Variants in ZNF624 observed in about 807,000 individuals in gnomAD.
ZNF624 encodes the protein zinc finger protein 624.
A neutral mutation model predicts 74.7 loss-of-function variants in ZNF624; 43 were observed. The ratio of observed to expected loss-of-function variants is 0.58; its 90% CI spans 0.45 to 0.74. The LOEUF (loss-of-function observed/expected upper bound fraction) is 0.74, where lower values mean the gene tolerates loss of function less well. Among genes scored for constraint, ZNF624 ranks in the 30% least tolerant of loss-of-function variants. The pLI, the probability that ZNF624 is intolerant of heterozygous loss-of-function variation, is 0.00. For missense variants in ZNF624, 820 were observed against 1,030.0 expected (o/e 0.80, Z 2.79); for synonymous variants, 331 against 341.3 (o/e 0.97, Z 0.33).
chr17:16,623,783 G>T lies in ZNF624; in HGVS notation c.1103C>A (p.Ser368Tyr), dbSNP rs1908990932. The T allele has an allele frequency of 7.4e-6, 12 of 1,614,012 alleles. No homozygotes were observed. Among genetic ancestry groups the T allele is most frequent in the Non-Finnish European group, 8.5e-6 (10 of 1,179,990 alleles). Residue 368 changes from serine to tyrosine, a missense_variant, in exon 6 of 6, where the codon TCT (serine) becomes TAT (tyrosine). Transcript: ENST00000311331. This position sits in a 1 kb window ranked among gnomAD's most constrained non-coding sequence, Gnocchi z 5.3. The part of the protein sequence containing the change: ...KPYQCNVCGK[S>Y]FSQCARLNQH... ...ATTAAGACGGGCACACTGGCTAAAAGATTTCCCACACACATTACACTGATA... is the reference window on the plus strand; with the variant it reads ...ATTAAGACGGGCACACTGGCTAAAATATTTCCCACACACATTACACTGATA...
Position 16,622,759 on chromosome 17 carries a change from T to C in ZNF624, c.2127A>G (p.Ser709=). ...NECGKVFTSN[S]GFNTHQRTHT... ...GTGTTCTTTGATGTGTATTAAAGCCTGAGTTACTTGTGAAAACCTTTCCAC... is the reference window on the plus strand; with the variant it reads ...GTGTTCTTTGATGTGTATTAAAGCCCGAGTTACTTGTGAAAACCTTTCCAC... Residue 709 remains serine, a synonymous_variant, in exon 6 of 6, where the codon TCA becomes TCG. Coordinates refer to ENST00000311331, the MANE Select transcript of ZNF624 (RefSeq NM_020787.4). The C allele has an allele frequency of 6.2e-7, 1 of 1,613,762 alleles. No homozygotes were observed. Among genetic ancestry groups the C allele is most frequent in the Non-Finnish European group, 8.5e-7 (1 of 1,179,978 alleles).
intron 1 of ZNF624, among the ~76,000 whole-genome samples, chr17:16,653,035 TAAG>T (rs1909764847): frequency 6.6e-6 from 1 of 152,256 alleles, no homozygotes; most frequent in African/African-American, 2.4e-5. Context: ...TCCAGAGACT[TAAG>T]GAGAAACTTT....
chr17:16,639,872 G>T (rs1909425995), intron 3 of ZNF624, among the ~76,000 whole-genome samples: 1 of 152,098 alleles, frequency 6.6e-6, no homozygotes, highest in South Asian at 2.1e-4. Flanking sequence ...AAAATAACTA[G>T]CTGGTTTTCA....
At position 16,624,508 on chromosome 17, in the gene ZNF624, G is replaced by C. The variant is rs1411968119; in HGVS notation, c.378C>G (p.Asp126Glu). The part of the protein sequence containing the change: ...VREISRIPYP[D>E]MEPKPATKKA... ...TCTTGGTTGCAGGTTTGGGCTCCAT[G>C]TCTGGGGCAAAAAAGAGAAAAATCA... The change falls in exon 6 of 6, where the codon GAC becomes GAG. Residue 126 changes from aspartate (D) to glutamate (E), a missense_variant and splice_region_variant. Transcript: ENST00000311331. 1 of 1,551,460 alleles carries C rather than the reference G, an allele frequency of 6.4e-7. No homozygotes were observed. The highest frequency in any genetic ancestry group is 8.6e-7 in the Non-Finnish European group (1 of 1,156,464).
At chr17:16,631,167 G>A (rs1909198454) in intron 5 of ZNF624, among the ~76,000 whole-genome samples, 1 of 151,816 alleles carries the variant, frequency 6.6e-6, no homozygotes, top group Non-Finnish European at 1.5e-5. Flanking sequence ...AATAACCCAA[G>A]GATAAAAGAT....
chr17:16,641,184 A>G (rs1303457431), intron 3 of ZNF624, among the ~76,000 whole-genome samples: 1 of 152,188 alleles, frequency 6.6e-6, no homozygotes, highest in African/African-American at 2.4e-5. Flanking sequence ...GAAAACCTAC[A>G]TCTAGCCTCA....
intron 3 of ZNF624, among the ~76,000 whole-genome samples, chr17:16,638,703 G>A (rs187466928): frequency 6.5e-4 from 96 of 147,478 alleles, no homozygotes; most frequent in African/African-American, 1.7e-3. Context: ...CACACTCCGG[G>A]GGACTGTTGT....
intron 5 of ZNF624, among the ~76,000 whole-genome samples, chr17:16,628,847 A>G (rs7224883): frequency 0.026 from 3,959 of 152,242 alleles, 158 homozygotes; most frequent in African/African-American, 0.09. Flanking sequence ...GAAGAAAACT[A>G]TATTAAAGTA....
intron 1 of ZNF624, among the ~76,000 whole-genome samples, chr17:16,651,188 A>C (rs987276170): frequency 1.3e-5 from 2 of 152,122 alleles, no homozygotes; most frequent in Non-Finnish European, 2.9e-5. Context: ...GCACTTTGGG[A>C]GGCCGAGGCG....
chr17:16,645,849 G>A (rs1313952372), intron 3 of ZNF624, among the ~76,000 whole-genome samples: 1 of 150,080 alleles, frequency 6.7e-6, no homozygotes, highest in Non-Finnish European at 1.5e-5. Context: ...CTACTCGGGA[G>A]GCTGAGGCAG....
downstream of ZNF624, among the ~76,000 whole-genome samples, chr17:16,615,943 T>A (rs905341703): frequency 2.2e-4 from 28 of 130,128 alleles, no homozygotes; most frequent in Middle Eastern, 4.0e-3. Context: ...CTTTAAAAAA[T>A]CTATTCCATA....
intron 3 of ZNF624, among the ~76,000 whole-genome samples, chr17:16,642,823 A>C (rs779851426): frequency 4.6e-5 from 7 of 152,244 alleles, no homozygotes; most frequent in Non-Finnish European, 1.0e-4. Flanking sequence ...GTCAAACATA[A>C]AAGGACAAAT....
At chr17:16,651,323 G>A (rs1196176470) in intron 1 of ZNF624, among the ~76,000 whole-genome samples, 4 of 151,820 alleles carry the variant, frequency 2.6e-5, no homozygotes, top group Non-Finnish European at 5.9e-5. Context: ...CCAGCTACTC[G>A]GGAGGCTGAG....
At chr17:16,615,158 T>G in the ZNF624 span, among the ~76,000 whole-genome samples, 1 of 152,110 alleles carries the variant, frequency 6.6e-6, no homozygotes, top group African/African-American at 2.4e-5. Flanking sequence ...AGTGCAGTGG[T>G]GCGATCTGGG....
At chr17:16,649,997 A>T (rs1909683285) in intron 1 of ZNF624, among the ~76,000 whole-genome samples, 1 of 152,180 alleles carries the variant, frequency 6.6e-6, no homozygotes, top group African/African-American at 2.4e-5. Flanking sequence ...TTATTTTCAC[A>T]TCAACCTAGT....
intron 3 of ZNF624, among the ~76,000 whole-genome samples, chr17:16,635,281 A>T (rs548112313): frequency 6.6e-6 from 1 of 152,188 alleles, no homozygotes; most frequent in African/African-American, 2.4e-5. Flanking sequence ...AAAAAAATCG[A>T]GGAACTTTGG....
At chr17:16,630,306 C>T (rs573837607) in intron 5 of ZNF624, among the ~76,000 whole-genome samples, 1 of 150,790 alleles carries the variant, frequency 6.6e-6, no homozygotes, top group Admixed American at 6.6e-5. Context: ...CTTGTAATCC[C>T]AGCGCTTTGG....
intron 5 of ZNF624, 87 bp from the exon 6 acceptor site, chr17:16,624,596 TGGA>T: frequency 8.6e-7 from 1 of 1,163,112 alleles, no homozygotes; most frequent in Non-Finnish European, 1.2e-6. Flanking sequence ...AATAAATACA[TGGA>T]TAATGAATAT....
intron 3 of ZNF624, among the ~76,000 whole-genome samples, chr17:16,641,868 CTA>C (rs1193900046): frequency 6.6e-6 from 1 of 152,142 alleles, no homozygotes; most frequent in Non-Finnish European, 1.5e-5. Flanking sequence ...CTATCAATAA[CTA>C]TTTCAAAAGG....
Sources: allele counts gnomAD v4.1 joint callset (sites outside exome capture counted in the v4.1 genomes callset), GRCh38; gene constraint gnomAD v4.1.1; non-coding constraint Gnocchi (gnomAD v3.1); transcripts MANE v1.5; gene names NCBI Gene and HGNC (gene_info 2026-07-23, HGNC 2026-07-21).